Variants in SRGAP1 observed in about 807,000 individuals in gnomAD.
The protein encoded by SRGAP1 is SLIT-ROBO Rho GTPase-activating protein 1.
A neutral mutation model predicts 121.9 loss-of-function variants in SRGAP1; 43 were observed. The ratio of observed to expected loss-of-function variants is 0.35; its 90% CI spans 0.28 to 0.46. The LOEUF (loss-of-function observed/expected upper bound fraction) is 0.46, where lower values mean the gene tolerates loss of function less well. Ranked by LOEUF, SRGAP1 falls within the 20% of genes least tolerant of loss-of-function variation. The probability of loss-of-function intolerance (pLI) is 1.00; values close to 1 mark genes in which losing one functional copy is unlikely to be tolerated. For synonymous variants in SRGAP1, 447 were observed against 485.4 expected (o/e 0.92, Z 1.04); for missense variants, 1,102 against 1,350.9 (o/e 0.82, Z 2.89).
At position 64,078,840 on chromosome 12, in the gene SRGAP1, A is replaced by G. The variant is rs576702764; in HGVS notation, c.1126-79A>G. The G allele has an allele frequency of 1.0e-5, 15 of 1,463,074 alleles. No individual in the cohort carries two copies. The East Asian group carries it at 1.2e-4, about 11-fold the overall frequency. 90.6% of individuals were successfully genotyped at this position (1,463,074 alleles called of 1,614,324 possible). ...GGGCAGGCCCTGTGTCCTCATCTCTACCTGACAGAGTGGACTCTCCCTGTT... is the reference window on the plus strand; with the variant it reads ...GGGCAGGCCCTGTGTCCTCATCTCTGCCTGACAGAGTGGACTCTCCCTGTT... On this transcript the variant is annotated intron_variant, in intron 8 of 21. Coordinates refer to ENST00000355086, the MANE Select transcript of SRGAP1 (RefSeq NM_020762.4).
intron 1 of SRGAP1, among the ~76,000 whole-genome samples, chr12:63,966,103 A>T (rs1193582562): frequency 6.6e-6 from 1 of 152,244 alleles, no homozygotes; most frequent in Non-Finnish European, 1.5e-5. Flanking sequence ...TACAGGCATG[A>T]GACACCGTGC....
intron 3 of SRGAP1, among the ~76,000 whole-genome samples, chr12:64,011,099 T>C (rs1013843659): frequency 1.3e-5 from 2 of 151,926 alleles, no homozygotes; most frequent in African/African-American, 4.8e-5. Context: ...AAGCGGGGCC[T>C]GAGACTTAGC....
At chr12:63,845,210 C>A (rs963734449) in intron 1 of SRGAP1, among the ~76,000 whole-genome samples, 1 of 152,142 alleles carries the variant, frequency 6.6e-6, no homozygotes, top group African/African-American at 2.4e-5. Context: ...GGATCCTGTC[C>A]AGCTATTATT....
At chr12:63,960,726 A>C (rs557224190) in intron 1 of SRGAP1, among the ~76,000 whole-genome samples, 2 of 152,312 alleles carry the variant, frequency 1.3e-5, no homozygotes, top group East Asian at 3.9e-4. Flanking sequence ...GGCCCAGTGT[A>C]ATCACAAGGG....
chr12:63,995,800 A>G (rs1222974108), intron 3 of SRGAP1, among the ~76,000 whole-genome samples: 3 of 152,138 alleles, frequency 2.0e-5, no homozygotes, highest in Non-Finnish European at 2.9e-5. Context: ...AAGAAAGGAA[A>G]GGTTACTAGT....
intron 3 of SRGAP1, among the ~76,000 whole-genome samples, chr12:64,003,784 C>T (rs1390590807): frequency 6.6e-6 from 1 of 151,784 alleles, no homozygotes; most frequent in African/African-American, 2.4e-5. Flanking sequence ...AAAATTAAAA[C>T]TAGTTGAAAA....
At position 64,150,701 on chromosome 12, in the gene SRGAP1, G is replaced by C. The variant is rs552865832; in HGVS notation, c.*8029G>C. 2.6e-4 allele frequency: 39 copies of C among 151,688 alleles called. No individual in the cohort carries two copies. Among genetic ancestry groups the C allele is most frequent in the African/African-American group, 8.9e-4 (37 of 41,346 alleles). 9.4% of individuals were successfully genotyped at this position (151,688 alleles called of 1,614,324 possible). A position where few individuals can be genotyped will look rare whatever the true frequency, so the allele number is the denominator to read the frequency against. ...GCCTGTAATCCCAGCACTTTGAGAGGCCAAGGCAGGAGGATCAAAAAATGC... is the reference window on the plus strand; with the variant it reads ...GCCTGTAATCCCAGCACTTTGAGAGCCCAAGGCAGGAGGATCAAAAAATGC... On this transcript the variant is annotated 3_prime_UTR_variant, in exon 22 of 22. Coordinates refer to ENST00000355086, the MANE Select transcript of SRGAP1 (RefSeq NM_020762.4).
intron 9 of SRGAP1, among the ~76,000 whole-genome samples, chr12:64,079,445 A>G (rs2136563000): frequency 6.6e-6 from 1 of 151,016 alleles, no homozygotes; most frequent in South Asian, 2.1e-4. Context: ...CCTGGGCATC[A>G]TGGCAAAACC....
At chr12:64,096,490 C>G (rs961667384) in intron 14 of SRGAP1, among the ~76,000 whole-genome samples, 1 of 152,128 alleles carries the variant, frequency 6.6e-6, no homozygotes, top group South Asian at 2.1e-4. Context: ...TCTAGAGGAA[C>G]AATAACCAGA....
chr12:63,914,082 C>A (rs1592941354), intron 1 of SRGAP1, among the ~76,000 whole-genome samples: 1 of 152,166 alleles, frequency 6.6e-6, no homozygotes, highest in African/African-American at 2.4e-5. Flanking sequence ...TTGTTCAGAA[C>A]AATGACACTG....
chr12:63,904,185 C>T (rs1413234830), intron 1 of SRGAP1, among the ~76,000 whole-genome samples: 1 of 151,028 alleles, frequency 6.6e-6, no homozygotes. Context: ...ATGCTCCTTT[C>T]TCCTTTAGTA....
chr12:64,037,895 AAT>A (rs2034933013), intron 4 of SRGAP1, among the ~76,000 whole-genome samples: 2 of 152,218 alleles, frequency 1.3e-5, no homozygotes, highest in South Asian at 4.1e-4. Context: ...TGAATACATA[AAT>A]ATCTTTCATC....
chr12:64,096,643 C>T (rs1329172604), intron 14 of SRGAP1, among the ~76,000 whole-genome samples: 2 of 152,076 alleles, frequency 1.3e-5, no homozygotes, highest in East Asian at 3.8e-4. Context: ...TATACAAACT[C>T]CTTGGTAACA....
chr12:63,993,529 C>G (rs1294240465), intron 3 of SRGAP1, among the ~76,000 whole-genome samples: 1 of 152,176 alleles, frequency 6.6e-6, no homozygotes, highest in Non-Finnish European at 1.5e-5. Flanking sequence ...GATTTTGAGA[C>G]TTCCGCATGT....
chr12:63,869,445 GA>G (rs1369635844), intron 1 of SRGAP1, among the ~76,000 whole-genome samples: 5 of 151,606 alleles, frequency 3.3e-5, no homozygotes, highest in African/African-American at 1.2e-4. Context: ...GGGACACATT[GA>G]AACCACGGCA....
At position 64,091,287 on chromosome 12, in the gene SRGAP1, T is replaced by C; in HGVS notation, c.1448T>C (p.Val483Ala). Reference sequence around the variant, plus strand: ...TTCCCTTCCCTTAGGCCTCCAAATGTTCCCCCTAAGCCCCAGAAACACAGG... The same window carrying C: ...TTCCCTTCCCTTAGGCCTCCAAATGCTCCCCCTAAGCCCCAGAAACACAGG... ...AEYMTTRPPN[V>A]PPKPQKHRKS... is the part of the protein sequence containing the mutation. Residue 483 changes from valine to alanine, a missense_variant, in exon 12 of 22, where the codon GTT (valine) becomes GCT (alanine). This residue lies in a region of SRGAP1 where 747 missense variants were observed against 929.4 expected (regional missense o/e 0.80). Coordinates refer to ENST00000355086, the MANE Select transcript of SRGAP1 (RefSeq NM_020762.4). 6.3e-7 allele frequency: 1 copy of C among 1,594,332 alleles called. No homozygotes were observed. The highest frequency in any genetic ancestry group is 8.6e-7 in the Non-Finnish European group (1 of 1,167,298).
chr12:63,932,016 C>G (rs1289239400), intron 1 of SRGAP1, among the ~76,000 whole-genome samples: 1 of 152,184 alleles, frequency 6.6e-6, no homozygotes, highest in Non-Finnish European at 1.5e-5. Context: ...GATTATCTAC[C>G]TGTCCATGTG....
chr12:63,851,391 G>C (rs746643733), intron 1 of SRGAP1, among the ~76,000 whole-genome samples: 2 of 151,854 alleles, frequency 1.3e-5, no homozygotes, highest in Admixed American at 1.3e-4. Flanking sequence ...CCAGGAGTTC[G>C]AGACCAGCCT....
intron 18 of SRGAP1, chr12:64,120,443 G>A (rs2036588985): frequency 6.6e-6 from 1 of 152,154 alleles, no homozygotes; most frequent in Admixed American, 6.6e-5. Context: ...CCTGAGAACT[G>A]GAATGTGGAT....
Sources: gnomAD v4.1 joint callset for allele counts (sites outside exome capture counted in the v4.1 genomes callset) on GRCh38, gnomAD v4.1.1 for gene constraint, gnomAD v4.1.1 regional missense constraint, MANE v1.5 for transcripts, NCBI Gene and HGNC (gene_info 2026-07-23, HGNC 2026-07-21) for gene names.